The following RFX7 variants were observed in gnomAD, a reference collection of about 807,000 sequenced individuals.
RFX7 encodes the protein regulatory factor X7, also known as DNA-binding protein RFX7.
In RFX7, 26 loss-of-function variants were observed where a neutral mutation model predicts 111.8. That is an observed-to-expected ratio of 0.23 (90% confidence interval 0.17 to 0.32). The LOEUF (loss-of-function observed/expected upper bound fraction) is 0.32. Ranked by LOEUF, RFX7 falls within the 10% of genes least tolerant of loss-of-function variation. The pLI is 1.00. For synonymous variants in RFX7, 624 were observed against 624.4 expected, an observed-to-expected ratio of 1.00 and a Z score of 0.01; for missense variants, 1,573 against 1,772.9, an observed-to-expected ratio of 0.89 and a Z score of 2.02.
intron 2 of RFX7, among the ~76,000 whole-genome samples, chr15:56,241,227 G>C (rs1209298781): frequency 3.7e-4 from 56 of 152,146 alleles, no homozygotes; most frequent in Admixed American, 3.6e-3. Context: ...TACTTCAGAA[G>C]TTTTTCTCAT....
In RFX7 at chr15:56,188,090, G is replaced by A. The variant is rs192501211; in HGVS notation, c.162-8787C>T. On this transcript the variant is annotated intron_variant, in intron 2 of 9. Transcript: ENST00000559447. Reference sequence around the variant, plus strand: ...GAAAATATGGTCATAATAAATGTTCGCATGGGGAAATCTCAGCTGAAAAAT... The same window carrying A: ...GAAAATATGGTCATAATAAATGTTCACATGGGGAAATCTCAGCTGAAAAAT... Among the ~76,000 whole-genome samples, 271 of 152,110 alleles carry A rather than the reference G, an allele frequency of 1.8e-3. 1 individual carries two copies. The highest frequency in any genetic ancestry group is 5.9e-3 in the African/African-American group (246 of 41,502).
At chr15:56,154,905 G>A (rs2042629908) in intron 3 of RFX7, among the ~76,000 whole-genome samples, 1 of 151,842 alleles carries the variant, frequency 6.6e-6, no homozygotes, top group South Asian at 2.1e-4. Context: ...CTAATATCCA[G>A]AAACAAAGAA....
At chr15:56,159,480 G>C (rs1258486487) in intron 3 of RFX7, among the ~76,000 whole-genome samples, 1 of 152,156 alleles carries the variant, frequency 6.6e-6, no homozygotes, top group Non-Finnish European at 1.5e-5. Context: ...CTTAGGGTGA[G>C]TGCAGAAAAG....
intron 2 of RFX7, among the ~76,000 whole-genome samples, chr15:56,227,512 C>T (rs1397166430): frequency 6.6e-6 from 1 of 152,102 alleles, no homozygotes; most frequent in African/African-American, 2.4e-5. Flanking sequence ...ACCAATTACA[C>T]TTCCTTTATT....
intron 5 of RFX7, among the ~76,000 whole-genome samples, chr15:56,134,358 A>T (rs1488230647): frequency 6.6e-6 from 1 of 152,164 alleles, no homozygotes; most frequent in African/African-American, 2.4e-5. Flanking sequence ...AGTGCCTACT[A>T]TGTGGAAATG....
intron 5 of RFX7, among the ~76,000 whole-genome samples, chr15:56,142,228 T>G (rs1467317237): frequency 6.6e-6 from 1 of 152,206 alleles, no homozygotes; most frequent in Non-Finnish European, 1.5e-5. Context: ...TCTGTATTTT[T>G]GTATCCTGGA....
chr15:56,164,535 G>C (rs1413066730), intron 3 of RFX7, among the ~76,000 whole-genome samples: 1 of 152,208 alleles, frequency 6.6e-6, no homozygotes, highest in South Asian at 2.1e-4. Context: ...ATCTATTGCA[G>C]TGTCCCAGAT....
chr15:56,111,154 C>CAGCT (rs2041924622), intron 5 of RFX7, among the ~76,000 whole-genome samples: 1 of 141,382 alleles, frequency 7.1e-6, no homozygotes, highest in African/African-American at 2.6e-5. Context: ...GTTTACCCAA[C>CAGCT]AGCTCATTGA....
At chr15:56,103,728 T>A (rs2041791165) in intron 5 of RFX7, 58 bp from the exon 6 acceptor site, 1 of 1,016,758 alleles carries the variant, frequency 9.8e-7, no homozygotes. Context: ...TATCGCAGGG[T>A]GCTATTTCAA....
chr15:56,163,899 G>T (rs367748154), intron 3 of RFX7, among the ~76,000 whole-genome samples: 1 of 152,088 alleles, frequency 6.6e-6, no homozygotes, highest in Non-Finnish European at 1.5e-5. Flanking sequence ...ACCCTGTAAA[G>T]AATAGCTCTT....
chr15:56,177,372 G>A (rs1293534422), intron 3 of RFX7, among the ~76,000 whole-genome samples: 1 of 152,042 alleles, frequency 6.6e-6, no homozygotes, highest in Non-Finnish European at 1.5e-5. Flanking sequence ...TATCTGAATT[G>A]TAATGCTTAA....
chr15:56,134,905 T>G (rs576273022), intron 5 of RFX7, among the ~76,000 whole-genome samples: 9,942 of 151,924 alleles, frequency 0.065, 448 homozygotes, highest in Admixed American at 0.1. Flanking sequence ...GAGAATGATG[T>G]TTTCCAATTT....
chr15:56,242,290 CAT>C (rs1343159611), intron 2 of RFX7, among the ~76,000 whole-genome samples: 1 of 152,108 alleles, frequency 6.6e-6, no homozygotes, highest in Non-Finnish European at 1.5e-5. Context: ...AATGCAAGTT[CAT>C]GTTCAAAGAA....
chr15:56,242,710 G>A (rs1458792879), intron 2 of RFX7, among the ~76,000 whole-genome samples: 5 of 152,158 alleles, frequency 3.3e-5, no homozygotes, highest in Admixed American at 6.5e-5. Context: ...CTTACGCACA[G>A]TATCTGTTTG....
chr15:56,167,634 A>G (rs1462059303), intron 3 of RFX7, among the ~76,000 whole-genome samples: 2 of 152,228 alleles, frequency 1.3e-5, no homozygotes, highest in Admixed American at 6.5e-5. Context: ...TTTCACTGCA[A>G]AAGCACTAAA....
rs1221566960 is a variant in RFX7 at position 56,094,839 on chromosome 15, G to T, written c.2889C>A (p.Thr963=). 1.3e-6 allele frequency: 2 copies of T among 1,552,680 alleles called. No individual in the cohort carries two copies. The highest frequency in any genetic ancestry group is 1.7e-6 in the Non-Finnish European group (2 of 1,148,498). ...TPTPTPTPTP[T]PTSEMIAGSQ... is the part of the protein sequence containing the mutation. ...ATCCAGCAATCATTTCAGATGTCGG[G>T]GTTGGGGTTGGGGTTGGAGTAGGAG... is the stretch of plus-strand genomic sequence containing the variant. Residue 963 remains threonine (T), a synonymous_variant, in exon 10 of 10, where the codon ACC becomes ACA. Transcript: ENST00000559447.
At chr15:56,162,105 T>TA (rs1469152865) in intron 3 of RFX7, among the ~76,000 whole-genome samples, 1 of 152,100 alleles carries the variant, frequency 6.6e-6, no homozygotes, top group Non-Finnish European at 1.5e-5. Flanking sequence ...TAGATCTTTC[T>TA]AGTCACTGTG....
intron 5 of RFX7, among the ~76,000 whole-genome samples, chr15:56,129,924 A>G (rs1414313946): frequency 1.3e-5 from 2 of 152,204 alleles, no homozygotes; most frequent in Admixed American, 6.5e-5. Context: ...AGATTTTCCT[A>G]AGCCATTTGT....
At position 56,243,259 on chromosome 15, in the gene RFX7, T is replaced by G; in HGVS notation, c.27A>C (p.Pro9=). 8.3e-7 allele frequency: 1 copy of G among 1,209,068 alleles called. No individual in the cohort carries two copies. Among genetic ancestry groups the G allele is most frequent in the Non-Finnish European group, 1.1e-6 (1 of 939,256 alleles). The allele number at this position is 1,209,068 out of a possible 1,614,324, so 74.9% of individuals were successfully genotyped here. A position where few individuals can be genotyped will look rare whatever the true frequency, so the allele number is the denominator to read the frequency against. ...GCTGATGGGCATCAGGCTGCTGTGG[T>G]GGCGGCTGTTGTTGTTCCTCTGCCA... MAEEQQQP[P]PQQPDAHQQL... The change falls in exon 2 of 10, where the codon CCA becomes CCC. Residue 9 remains proline (P), a synonymous_variant. Transcript: ENST00000559447.
Sources: allele counts gnomAD v4.1 joint callset (sites outside exome capture counted in the v4.1 genomes callset), GRCh38; gene constraint gnomAD v4.1.1; transcripts MANE v1.5; gene names NCBI Gene and HGNC (gene_info 2026-07-23, HGNC 2026-07-21).